Variants in UNC5D observed in about 807,000 individuals in gnomAD.
UNC5D encodes the protein netrin receptor UNC5D.
Under a neutral mutation model 105.4 loss-of-function variants are expected in UNC5D, and 39 were observed. That is an observed-to-expected ratio of 0.37 (90% CI 0.29 to 0.48). UNC5D has a LOEUF of 0.48. Among genes scored for constraint, UNC5D ranks in the 20% least tolerant of loss-of-function variants. The pLI is 0.98. For missense variants in UNC5D, 991 were observed against 1,202.4 expected, an observed-to-expected ratio of 0.82 and a Z score of 2.60; for synonymous variants, 452 against 450.4, an observed-to-expected ratio of 1.00 and a Z score of -0.04.
At chr8:35,302,429 A>G (rs1484307932) in intron 1 of UNC5D, among the ~76,000 whole-genome samples, 1 of 152,238 alleles carries the variant, frequency 6.6e-6, no homozygotes, top group Non-Finnish European at 1.5e-5. Context: ...AGGGCACTCC[A>G]TGGTTTCTTT....
chr8:35,433,934 T>A (rs1806828471), intron 1 of UNC5D, among the ~76,000 whole-genome samples: 1 of 151,984 alleles, frequency 6.6e-6, no homozygotes, highest in East Asian at 1.9e-4. Context: ...TAAATTATGA[T>A]CTTTATCAAT....
At chr8:35,328,463 G>T (rs1311803416) in intron 1 of UNC5D, among the ~76,000 whole-genome samples, 1 of 152,094 alleles carries the variant, frequency 6.6e-6, no homozygotes, top group African/African-American at 2.4e-5. Flanking sequence ...TCCTGGAAAG[G>T]ACTTAGGTTC....
At chr8:35,513,176 G>GT (rs888203207) in intron 1 of UNC5D, among the ~76,000 whole-genome samples, 13 of 150,184 alleles carry the variant, frequency 8.7e-5, no homozygotes, top group African/African-American at 3.2e-4. Flanking sequence ...AAATAACCAT[G>GT]TGCATTGCTT....
chr8:35,276,844 A>G (rs928410731), intron 1 of UNC5D, among the ~76,000 whole-genome samples: 2 of 152,202 alleles, frequency 1.3e-5, no homozygotes, highest in Admixed American at 6.5e-5. Flanking sequence ...ACCTTAAGGC[A>G]TGATTAAACA....
chr8:35,316,841 TA>T, intron 1 of UNC5D, among the ~76,000 whole-genome samples: 1 of 152,156 alleles, frequency 6.6e-6, no homozygotes, highest in Non-Finnish European at 1.5e-5. Flanking sequence ...TTTCAGGAAA[TA>T]TGCTGTCCGA....
intron 1 of UNC5D, among the ~76,000 whole-genome samples, chr8:35,421,134 G>A (rs1426889259): frequency 1.3e-5 from 2 of 152,134 alleles, no homozygotes; most frequent in South Asian, 4.1e-4. Flanking sequence ...CTCAGGAAAG[G>A]TTATGACATT....
intron 1 of UNC5D, among the ~76,000 whole-genome samples, chr8:35,245,397 G>A (rs1803030378): frequency 6.6e-6 from 1 of 152,066 alleles, no homozygotes; most frequent in South Asian, 2.1e-4. Context: ...TCCTTCCTCT[G>A]AATAGACAGC....
At chr8:35,270,536 CAA>C (rs1211064786) in intron 1 of UNC5D, among the ~76,000 whole-genome samples, 1 of 152,104 alleles carries the variant, frequency 6.6e-6, no homozygotes, top group Non-Finnish European at 1.5e-5. Context: ...TCTTAATAAA[CAA>C]TAATGATAAT....
At chr8:35,590,375 T>C (rs999914188) in intron 3 of UNC5D, among the ~76,000 whole-genome samples, 1 of 152,212 alleles carries the variant, frequency 6.6e-6, no homozygotes, top group Non-Finnish European at 1.5e-5. Context: ...TGCTGTAGTT[T>C]TATGTAAAAA....
intron 1 of UNC5D, among the ~76,000 whole-genome samples, chr8:35,537,628 T>G (rs1161125816): frequency 6.6e-6 from 1 of 151,990 alleles, no homozygotes; most frequent in Non-Finnish European, 1.5e-5. Context: ...TGCAGTAAAC[T>G]ATGATGGCAC....
intron 4 of UNC5D, among the ~76,000 whole-genome samples, chr8:35,614,853 G>T: frequency 6.6e-6 from 1 of 152,188 alleles, no homozygotes; most frequent in South Asian, 2.1e-4. Flanking sequence ...CTCCTAATTG[G>T]TGTTTATTTT....
At chr8:35,467,935 A>T (rs909258731) in intron 1 of UNC5D, among the ~76,000 whole-genome samples, 1 of 152,322 alleles carries the variant, frequency 6.6e-6, no homozygotes, top group Admixed American at 6.5e-5. Flanking sequence ...CAAATCTAAA[A>T]TTCTGTGATC....
At chr8:35,549,168 C>T (rs898781161) in intron 1 of UNC5D, 124 bp from the exon 2 acceptor site, 2 of 915,460 alleles carry the variant, frequency 2.2e-6, no homozygotes, top group Non-Finnish European at 3.3e-6. Flanking sequence ...TACAAGCATG[C>T]TTTATTAATA....
At chr8:35,256,085 CT>C (rs1304146847) in intron 1 of UNC5D, 2 of 152,156 alleles carry the variant, frequency 1.3e-5, no homozygotes, top group African/African-American at 4.8e-5. Flanking sequence ...GTGCCTTCCC[CT>C]ATGTGTATAC....
At chr8:35,431,835 A>C (rs967354695) in intron 1 of UNC5D, among the ~76,000 whole-genome samples, 14 of 152,272 alleles carry the variant, frequency 9.2e-5, no homozygotes, top group African/African-American at 3.4e-4. Context: ...AATATTTAAA[A>C]GTAATTTATG....
At chr8:35,264,256 T>G (rs1344706249) in intron 1 of UNC5D, among the ~76,000 whole-genome samples, 1 of 152,208 alleles carries the variant, frequency 6.6e-6, no homozygotes, top group Non-Finnish European at 1.5e-5. Flanking sequence ...TGCAAATGAA[T>G]AGAGTGGTTA....
intron 1 of UNC5D, among the ~76,000 whole-genome samples, chr8:35,512,378 C>T (rs190328905): frequency 2.7e-5 from 4 of 145,940 alleles, no homozygotes; most frequent in Admixed American, 2.1e-4. Flanking sequence ...TAAAATTAGC[C>T]AGGCACGTGC....
chr8:35,474,798 T>C (rs1809972561), intron 1 of UNC5D, among the ~76,000 whole-genome samples: 1 of 152,190 alleles, frequency 6.6e-6, no homozygotes, highest in South Asian at 2.1e-4. Flanking sequence ...GTAGCTAAGA[T>C]AATAAATTCC....
intron 13 of UNC5D, among the ~76,000 whole-genome samples, chr8:35,751,268 G>A (rs1026261004): frequency 2.6e-5 from 4 of 152,146 alleles, no homozygotes; most frequent in Non-Finnish European, 4.4e-5. Context: ...CATGTGCAGG[G>A]TCTGCAAAAT....
Sources: gnomAD v4.1 joint callset for allele counts (sites outside exome capture counted in the v4.1 genomes callset) on GRCh38, gnomAD v4.1.1 for gene constraint, MANE v1.5 for transcripts, NCBI Gene and HGNC (gene_info 2026-07-23, HGNC 2026-07-21) for gene names.